CEP112: variants seen among roughly 807,000 people sequenced by gnomAD.
CEP112 encodes centrosomal protein 112.
In CEP112, 127 loss-of-function variants were observed where a neutral mutation model predicts 153.0. The ratio of observed to expected loss-of-function variants is 0.83; its 90% CI spans 0.72 to 0.96. CEP112 has a LOEUF of 0.96. CEP112 is among the 40% of genes least tolerant of loss of function. The probability of loss-of-function intolerance (pLI) is 0.00; values close to 1 mark genes in which losing one functional copy is unlikely to be tolerated. For missense variants in CEP112, 1,089 were observed against 1,101.2 expected (o/e 0.99, Z 0.16); for synonymous variants, 358 against 374.4 (o/e 0.96, Z 0.51).
chr17:66,007,363 T>A (rs2064319201), intron 16 of CEP112, among the ~76,000 whole-genome samples: 1 of 152,146 alleles, frequency 6.6e-6, no homozygotes, highest in Admixed American at 6.5e-5. Flanking sequence ...CCTTGCAAAT[T>A]TTTGCCACTA....
intron 23 of CEP112, among the ~76,000 whole-genome samples, chr17:65,692,124 A>G (rs1292163191): frequency 1.3e-5 from 2 of 152,020 alleles, no homozygotes; most frequent in African/African-American, 4.8e-5. Flanking sequence ...TTGTGCACCC[A>G]GTATTATTCC....
chr17:65,679,028 C>T (rs1341956874), intron 24 of CEP112, among the ~76,000 whole-genome samples: 1 of 148,226 alleles, frequency 6.7e-6, no homozygotes, highest in Non-Finnish European at 1.5e-5. Context: ...TGCTTTGGCG[C>T]TTTGCCACCA....
At chr17:65,816,153 T>C (rs12325981) in intron 21 of CEP112, among the ~76,000 whole-genome samples, 50,525 of 151,522 alleles carry the variant, frequency 0.33, 9,912 homozygotes, top group Middle Eastern at 0.49. Flanking sequence ...TAAAAAAGTT[T>C]TTAAAAAACA....
At chr17:65,952,546 A>G (rs1478301039) in intron 18 of CEP112, among the ~76,000 whole-genome samples, 2 of 151,948 alleles carry the variant, frequency 1.3e-5, no homozygotes, top group African/African-American at 2.4e-5. Context: ...CCAAGTTTTG[A>G]GCTTTTATGA....
intron 24 of CEP112, among the ~76,000 whole-genome samples, chr17:65,647,179 T>TTTG (rs1391092739): frequency 6.6e-6 from 1 of 150,512 alleles, no homozygotes; most frequent in Non-Finnish European, 1.5e-5. Context: ...TCTTGTTTTT[T>TTTG]TTTTTTTTTT....
At chr17:65,709,408 A>G (rs571306784) in intron 23 of CEP112, among the ~76,000 whole-genome samples, 2 of 152,300 alleles carry the variant, frequency 1.3e-5, no homozygotes, top group South Asian at 4.2e-4. Flanking sequence ...TCACGGCGGA[A>G]GAGCAAGGGA....
intron 6 of CEP112, among the ~76,000 whole-genome samples, chr17:66,105,458 T>C (rs774064080): frequency 6.6e-6 from 1 of 152,000 alleles, no homozygotes; most frequent in Non-Finnish European, 1.5e-5. Flanking sequence ...TCAATTTAAA[T>C]GAACTAAACT....
intron 23 of CEP112, among the ~76,000 whole-genome samples, chr17:65,696,458 A>G (rs1195202372): frequency 6.6e-6 from 1 of 152,158 alleles, no homozygotes; most frequent in Non-Finnish European, 1.5e-5. Flanking sequence ...TATGTAAGCA[A>G]AAAGAGTGTT....
chr17:65,709,769 T>C (rs1045631152), intron 23 of CEP112, among the ~76,000 whole-genome samples: 1 of 152,252 alleles, frequency 6.6e-6, no homozygotes, highest in African/African-American at 2.4e-5. Context: ...AGAAACTTGA[T>C]ACTGCTTTTC....
In CEP112 at chr17:66,018,312, T is replaced by C. The variant is rs191255248; in HGVS notation, c.1656+9189A>G. ...TTGAATATTCACTGAATATATTTTT[T>C]TTGCTCCCTTGCATCCCAAGAATTT... is the stretch of plus-strand genomic sequence containing the variant. On this transcript the variant is annotated intron_variant, in intron 16 of 26. Transcript: ENST00000535342. Among the ~76,000 whole-genome samples, 433 of 152,314 alleles carry C rather than the reference T, an allele frequency of 2.8e-3. 6 individuals carry two copies. The highest frequency in any genetic ancestry group is 4.8e-3 in the Admixed American group (74 of 15,296).
chr17:66,092,695 C>G (rs570712245), intron 8 of CEP112, among the ~76,000 whole-genome samples: 56 of 152,144 alleles, frequency 3.7e-4, no homozygotes, highest in African/African-American at 1.3e-3. Context: ...GAATTCATCC[C>G]AAGAATATAA....
In CEP112 at chr17:66,035,006, A is replaced by ATTT. The variant is rs1308701767; in HGVS notation, c.1219-4984_1219-4983insAAA. ...TATATATATATACATATATATATAT[A>ATTT]TATTTTTTTTTTTAGTAGAGATGGA... On this transcript the variant is annotated intron_variant, in intron 12 of 26. Coordinates refer to ENST00000535342, the MANE Select transcript of CEP112 (RefSeq NM_001199165.4). Among the ~76,000 whole-genome samples, 497 of 83,372 alleles carry ATTT rather than the reference A, an allele frequency of 6.0e-3. 4 individuals are homozygous for ATTT. The highest frequency in any genetic ancestry group is 0.05 in the East Asian group (30 of 604). The allele number at this position is 83,372 out of a possible 152,430, so 54.7% of individuals were successfully genotyped here. A position where few individuals can be genotyped will look rare whatever the true frequency, so the allele number is the denominator to read the frequency against.
chr17:65,981,104 C>T (rs1026037019), intron 17 of CEP112, among the ~76,000 whole-genome samples: 1 of 152,154 alleles, frequency 6.6e-6, no homozygotes, highest in Admixed American at 6.5e-5. Flanking sequence ...GCGTGAGCCA[C>T]CACGCCCGGC....
At chr17:65,820,088 TAA>T (rs2056453895) in intron 21 of CEP112, among the ~76,000 whole-genome samples, 1 of 152,058 alleles carries the variant, frequency 6.6e-6, no homozygotes, top group African/African-American at 2.4e-5. Context: ...TAAGTGTAAA[TAA>T]AAGTTTAAAA....
chr17:66,114,718 T>C (rs1286928995), intron 6 of CEP112, among the ~76,000 whole-genome samples: 1 of 152,170 alleles, frequency 6.6e-6, no homozygotes, highest in Non-Finnish European at 1.5e-5. Flanking sequence ...AAAGCTCTTA[T>C]ATAGGAATAG....
At chr17:65,969,986 G>A (rs147516096) in intron 17 of CEP112, among the ~76,000 whole-genome samples, 47 of 152,138 alleles carry the variant, frequency 3.1e-4, no homozygotes, top group African/African-American at 9.4e-4. Context: ...CATATCACAC[G>A]CATGTTACAC....
intron 20 of CEP112, 84 bp downstream of exon 20, chr17:65,902,068 T>C: frequency 5.3e-6 from 4 of 759,368 alleles, no homozygotes; most frequent in Non-Finnish European, 7.7e-6. Context: ...ACAGCGTGCA[T>C]CAATAAGAAT....
intron 4 of CEP112, among the ~76,000 whole-genome samples, chr17:66,157,926 C>T (rs1568558242): frequency 6.6e-6 from 1 of 152,090 alleles, no homozygotes; most frequent in African/African-American, 2.4e-5. Flanking sequence ...TAGACTCCCA[C>T]ACAAGAATAG....
At chr17:65,905,681 G>C (rs925870267) in intron 19 of CEP112, among the ~76,000 whole-genome samples, 1 of 152,170 alleles carries the variant, frequency 6.6e-6, no homozygotes, top group African/African-American at 2.4e-5. Flanking sequence ...TGTAATCCCA[G>C]CACTTTGGGA....
Sources: gnomAD v4.1 joint callset for allele counts (sites outside exome capture counted in the v4.1 genomes callset) on GRCh38, gnomAD v4.1.1 for gene constraint, MANE v1.5 for transcripts, NCBI Gene and HGNC (gene_info 2026-07-23, HGNC 2026-07-21) for gene names.